MATN4: variants seen among roughly 807,000 people sequenced by gnomAD.
MATN4 encodes matrilin-4.
Under a neutral mutation model 54.6 loss-of-function variants are expected in MATN4, and 40 were observed. The ratio of observed to expected loss-of-function variants is 0.73; its 90% CI spans 0.57 to 0.95. The LOEUF is 0.95. MATN4 is among the 40% of genes least tolerant of loss of function. The probability of loss-of-function intolerance (pLI) is 0.00; values close to 1 mark genes in which losing one functional copy is unlikely to be tolerated. For synonymous variants in MATN4, 351 were observed against 345.3 expected (o/e 1.02, Z -0.18); for missense variants, 810 against 819.1 (o/e 0.99, Z 0.13).
At position 45,298,663 on chromosome 20, in the gene MATN4, G is replaced by A. The variant is rs1355037157; in HGVS notation, c.1013-80C>T. ...TGTCTATCCATCTAGTCGTTCATTC[G>A]CAAACATTTATTATATAACAGACAA... is the stretch of plus-strand genomic sequence containing the variant. On this transcript the variant is annotated intron_variant, in intron 6 of 9. Coordinates refer to ENST00000372756, the MANE Select transcript of MATN4 (RefSeq NM_001393530.1). This position sits in a 1 kb window ranked among gnomAD's most constrained non-coding sequence, Gnocchi z 4.6. The A allele has an allele frequency of 1.7e-5, 20 of 1,158,304 alleles. No homozygotes were observed. The highest frequency in any genetic ancestry group is 2.0e-4 in the Middle Eastern group (1 of 4,960). The allele number at this position is 1,158,304 out of a possible 1,614,324, so 71.8% of individuals were successfully genotyped here.
chr20:45,297,452 T>G (rs2145644390), intron 8 of MATN4, among the ~76,000 whole-genome samples: 1 of 151,570 alleles, frequency 6.6e-6, no homozygotes, highest in African/African-American at 2.4e-5. Context: ...AAAAAAAAAG[T>G]CTTTGCATAC....
chr20:45,308,437 C>T (rs1355826238), upstream of MATN4: 4 of 585,080 alleles, frequency 6.8e-6, no homozygotes, highest in African/African-American at 3.7e-5. Context: ...ACCCCCTGCT[C>T]CTACCACGCT....
intron 8 of MATN4, among the ~76,000 whole-genome samples, chr20:45,295,979 G>C (rs138421810): frequency 0.25 from 38,628 of 151,668 alleles, 5,133 homozygotes; most frequent in Admixed American, 0.33. Context: ...ACTTTGGGAG[G>C]CTGAGGCGGG....
intron 3 of MATN4, among the ~76,000 whole-genome samples, chr20:45,302,513 G>A (rs957957608): frequency 2.6e-5 from 4 of 152,218 alleles, no homozygotes; most frequent in Non-Finnish European, 4.4e-5. Flanking sequence ...GCTCACACCT[G>A]TAATCCCAGC....
intron 1 of MATN4, 119 bp downstream of exon 1, chr20:45,308,056 G>A: frequency 2.3e-6 from 2 of 854,068 alleles, no homozygotes; most frequent in Admixed American, 2.0e-5. Flanking sequence ...AGTGGGGAAG[G>A]GCACTGCAAA....
intron 2 of MATN4, 124 bp from the exon 3 acceptor site, chr20:45,304,921 A>G (rs1986491022): frequency 1.7e-6 from 1 of 600,294 alleles, no homozygotes; most frequent in Non-Finnish European, 2.9e-6. Flanking sequence ...GCAAACGCAG[A>G]TTAGACAGAT....
In MATN4 at chr20:45,306,595, G is replaced by A. The variant is rs568410895; in HGVS notation, c.-34-979C>T. Among the ~76,000 whole-genome samples the A allele has an allele frequency of 5.3e-5, 8 of 152,376 alleles. 1 individual carries two copies. Among genetic ancestry groups the A allele is most frequent in the African/African-American group, 1.9e-4 (8 of 41,590 alleles). ...AGGGAGGGGCTGCGCCCTGTTGCGG[G>A]GCTGAGCGTGGTGGCGTGGCAGCGA... On this transcript the variant is annotated intron_variant, in intron 1 of 9. Coordinates refer to ENST00000372756, the MANE Select transcript of MATN4 (RefSeq NM_001393530.1).
In MATN4 at chr20:45,300,919, C is replaced by G. The variant is rs761526969; in HGVS notation, c.980G>C (p.Arg327Pro). 1 of 1,613,482 alleles carries G rather than the reference C, an allele frequency of 6.2e-7. No homozygotes were observed. The highest frequency in any genetic ancestry group is 8.5e-7 in the Non-Finnish European group (1 of 1,180,034). Residue 327 changes from arginine to proline, a missense_variant, in exon 6 of 10, where the codon CGG becomes CCG. Arg to Pro is a moderately radical substitution (Grantham distance 103). Transcript: ENST00000372756. Reference protein sequence around the residue: ...LSYRCLCPEGRQLQADGKSCN... With the variant: ...LSYRCLCPEGPQLQADGKSCN... ...GCTCTTGCCATCTGCCTGAAGTTGC[C>G]GCCCCTCGGGGCACAGGCAGCGGTA...
At position 45,301,234 on chromosome 20, in the gene MATN4, G is replaced by C. The variant is rs1202142580; in HGVS notation, c.767-10C>G. On this transcript the variant is annotated splice_polypyrimidine_tract_variant and intron_variant, in intron 4 of 9. Coordinates refer to ENST00000372756, the MANE Select transcript of MATN4 (RefSeq NM_001393530.1). ...CTGCAGTAGTCAATGGCTGGCAGGA[G>C]GGAAGAAACAGCAAGATGTTGCCTC... 1 of 1,613,838 alleles carries C rather than the reference G, an allele frequency of 6.2e-7. No individual in the cohort carries two copies.
chr20:45,298,271 G>A lies in MATN4; in HGVS notation c.1325C>T (p.Ala442Val), dbSNP rs1398268237. Reference sequence around the variant, plus strand: ...AGGCACGTTAAGGGCACGGGGCCGTGCACCCTGCGCCTCGGAGAAGCTGTG... The same window carrying A: ...AGGCACGTTAAGGGCACGGGGCCGTACACCCTGCGCCTCGGAGAAGCTGTG... The part of the protein sequence containing the change: ...VEHSFSEAQG[A>V]RPRALNVPRV... Residue 442 changes from alanine to valine, a missense_variant, in exon 7 of 10, where the codon GCA becomes GTA. Ala to Val is a moderately conservative substitution (Grantham distance 64). Coordinates refer to ENST00000372756, the MANE Select transcript of MATN4 (RefSeq NM_001393530.1). The surrounding 1 kb of genome is among the most constrained non-coding windows in gnomAD (Gnocchi z 4.6). The A allele has an allele frequency of 1.7e-5, 27 of 1,613,378 alleles. No homozygotes were observed. Among genetic ancestry groups the A allele is most frequent in the Non-Finnish European group, 2.3e-5 (27 of 1,179,876 alleles).
chr20:45,307,190 T>G (rs1301491971), intron 1 of MATN4, among the ~76,000 whole-genome samples: 1 of 152,132 alleles, frequency 6.6e-6, no homozygotes, highest in Non-Finnish European at 1.5e-5. Flanking sequence ...CGCCCCATGC[T>G]GAAGCTGTGT....
chr20:45,304,517 C>T lies in MATN4; in HGVS notation c.354G>A (p.Gln118=). The T allele has an allele frequency of 6.3e-7, 1 of 1,591,336 alleles. No homozygotes were observed. The highest frequency in any genetic ancestry group is 8.6e-7 in the Non-Finnish European group (1 of 1,162,668). The change falls in exon 3 of 10, where the codon CAG becomes CAA. Residue 118 remains glutamine (Q), a synonymous_variant. Transcript: ENST00000372756. ...AQGTMTGLAI[Q]YAMNVAFSVA... The stretch of plus-strand genomic sequence containing the variant: ...CACTGAAGGCCACGTTCATGGCGTA[C>T]TGGATTGCCAGTCCCGTCATGGTGC...
intron 8 of MATN4, among the ~76,000 whole-genome samples, chr20:45,297,114 G>A (rs1301061127): frequency 6.6e-6 from 1 of 151,082 alleles, no homozygotes; most frequent in Non-Finnish European, 1.5e-5. Flanking sequence ...TTACAGGTGT[G>A]AGCCACTGCG....
intron 8 of MATN4, among the ~76,000 whole-genome samples, chr20:45,294,502 T>C (rs1985688685): frequency 1.3e-5 from 2 of 152,268 alleles, no homozygotes; most frequent in Non-Finnish European, 1.5e-5. Context: ...ATGAAAGTGT[T>C]CTACATCTGC....
Position 45,293,526 on chromosome 20 carries a change from G to A in MATN4, c.*241C>T. On this transcript the variant is annotated 3_prime_UTR_variant, in exon 10 of 10. Transcript: ENST00000372756. ...AAGAACTGAGCGCAGCACGCGGCGA[G>A]GGCGTGCCGGTCTAGCACGTGCCCC... is the stretch of plus-strand genomic sequence containing the variant. 1 of 471,182 alleles carries A rather than the reference G, an allele frequency of 2.1e-6. No individual in the cohort carries two copies. Among genetic ancestry groups the A allele is most frequent in the Non-Finnish European group, 3.7e-6 (1 of 269,518 alleles). The allele number at this position is 471,182 out of a possible 1,614,324, so 29.2% of individuals were successfully genotyped here.
Position 45,308,243 on chromosome 20 carries a change from T to G in MATN4, c.-103A>C, listed in dbSNP as rs764168176. On this transcript the variant is annotated 5_prime_UTR_variant, in exon 1 of 10. Coordinates refer to ENST00000372756, the MANE Select transcript of MATN4 (RefSeq NM_001393530.1). The stretch of plus-strand genomic sequence containing the variant: ...CCGACAGGCGGAGCCTCCCGGGCAC[T>G]TGGACCAGGTAACGGCGGCGTGGCA... 6.2e-7 allele frequency: 1 copy of G among 1,611,394 alleles called. No homozygotes were observed. The highest frequency in any genetic ancestry group is 8.5e-7 in the Non-Finnish European group (1 of 1,177,642).
At position 45,306,896 on chromosome 20, in the gene MATN4, G is replaced by A. The variant is rs1986734680; in HGVS notation, c.-35+1279C>T. On this transcript the variant is annotated intron_variant, in intron 1 of 9. Coordinates refer to ENST00000372756, the MANE Select transcript of MATN4 (RefSeq NM_001393530.1). ...TGGACTCGTCCAGAGGGCGGCGGGT[G>A]AGCGGCTGGGGCCCCGTGGAGCCAC... The A allele has an allele frequency of 3.2e-6, 4 of 1,256,626 alleles. No homozygotes were observed. In the South Asian group the frequency reaches 1.5e-4, roughly 48 times the overall value. The allele number at this position is 1,256,626 out of a possible 1,614,324, so 77.8% of individuals were successfully genotyped here.
chr20:45,298,424 C>T lies in MATN4; in HGVS notation c.1172G>A (p.Ser391Asn). Residue 391 changes from serine (S) to asparagine (N), a missense_variant, in exon 7 of 10, where the codon AGC (serine) becomes AAC (asparagine). Transcript: ENST00000372756. The surrounding 1 kb of genome is among the most constrained non-coding windows in gnomAD (Gnocchi z 4.6). ...CAGAGGGAACTCGGTGCGCACGCGGCTCGAGAACTGCACCAGCCCCACCCG... is the reference window on the plus strand; with the variant it reads ...CAGAGGGAACTCGGTGCGCACGCGGTTCGAGAACTGCACCAGCCCCACCCG... ...GTRVGLVQFS[S>N]RVRTEFPLGR... 2 of 1,613,330 alleles carry T rather than the reference C, an allele frequency of 1.2e-6. No individual in the cohort carries two copies. The highest frequency in any genetic ancestry group is 1.7e-6 in the Non-Finnish European group (2 of 1,179,866).
upstream of MATN4, chr20:45,308,354 G>GAAGTGGGC (rs1254455699): frequency 2.6e-5 from 20 of 770,362 alleles, no homozygotes; most frequent in Middle Eastern, 1.4e-3. Context: ...GTGGGGAGGG[G>GAAGTGGGC]AAGTGCAGGC....
Sources: allele counts gnomAD v4.1 joint callset (sites outside exome capture counted in the v4.1 genomes callset), GRCh38; gene constraint gnomAD v4.1.1; non-coding constraint Gnocchi (gnomAD v3.1); transcripts MANE v1.5; gene names NCBI Gene and HGNC (gene_info 2026-07-23, HGNC 2026-07-21).